The following C4orf50 variants were observed in gnomAD, a reference collection of about 807,000 sequenced individuals.
C4orf50 encodes the protein uncharacterized protein C4orf50.
Under a neutral mutation model 77.2 loss-of-function variants are expected in C4orf50, and 80 were observed. That is an observed-to-expected ratio of 1.04 (90% CI 0.87 to 1.25). C4orf50 has a LOEUF of 1.25. C4orf50 is among the 50% of genes most tolerant of loss of function. The pLI is 0.00. For missense variants in C4orf50, 1,257 were observed against 1,152.9 expected (o/e 1.09, Z -1.31); for synonymous variants, 532 against 465.3 (o/e 1.14, Z -1.84).
rs999340163 is a variant in C4orf50 at position 6,008,659 on chromosome 4, A to G, written c.427-127T>C. On this transcript the variant is annotated intron_variant, in intron 24 of 33. Coordinates refer to ENST00000531445, the Ensembl canonical transcript of C4orf50. This position sits in a 1 kb window ranked among gnomAD's most constrained non-coding sequence, Gnocchi z 6.0. ...TGCGTTTTTGCATTTTGTGCATTGT[A>G]ATAGTGCATCAAAGTATTATCTCTT... 5.1e-6 allele frequency: 2 copies of G among 392,336 alleles called. No individual in the cohort carries two copies. Among genetic ancestry groups the G allele is most frequent in the Non-Finnish European group, 9.0e-6 (2 of 222,472 alleles). The allele number at this position is 392,336 out of a possible 1,614,324, so 24.3% of individuals were successfully genotyped here.
chr4:5,993,984 T>A lies in C4orf50; in HGVS notation c.1093+363A>T, dbSNP rs1721437298. The stretch of plus-strand genomic sequence containing the variant: ...CACACTGGAGGTGTCACCTGGGAAG[T>A]GGGGGGACAGGACGGCTCCTGGCCA... On this transcript the variant is annotated intron_variant, in intron 26 of 33. Coordinates refer to ENST00000531445, the Ensembl canonical transcript of C4orf50. 2.0e-5 allele frequency among the ~76,000 whole-genome samples: 3 copies of A among 151,728 alleles called. No homozygotes were observed. The South Asian group carries it at 6.2e-4, about 32-fold the overall frequency.
exon 28 of C4orf50, chr4:5,989,604 G>A: frequency 6.5e-7 from 1 of 1,536,122 alleles, no homozygotes; most frequent in South Asian, 1.2e-5. Context: ...ACAGCTGCTG[G>A]AAACAAGCCT....
At chr4:5,951,542 A>T (rs1718720273) in intron 7 of C4orf50, among the ~76,000 whole-genome samples, 1 of 152,214 alleles carries the variant, frequency 6.6e-6, no homozygotes, top group Non-Finnish European at 1.5e-5. Flanking sequence ...AAGAAATACA[A>T]ATGTGAAGCT....
chr4:5,915,339 G>A (rs1195132956), intron 7 of C4orf50, among the ~76,000 whole-genome samples: 3 of 152,280 alleles, frequency 2.0e-5, no homozygotes, highest in African/African-American at 4.8e-5. Context: ...TCTTGATACC[G>A]TTATGTGCAC....
intron 23 of C4orf50, among the ~76,000 whole-genome samples, chr4:6,016,009 C>G (rs1194786128): frequency 6.6e-6 from 1 of 152,188 alleles, no homozygotes; most frequent in African/African-American, 2.4e-5. Flanking sequence ...GGCCTTGCAC[C>G]CTGAGCTGCC....
At chr4:5,994,417 G>T in exon 26 of C4orf50, 1 of 399,152 alleles carries the variant, frequency 2.5e-6, no homozygotes, top group Non-Finnish European at 4.4e-6. Context: ...TTCTGCAGGG[G>T]TCCAGGGCCT....
rs1210305113 is a variant in C4orf50, at chr4:6,007,300, T to C, written c.963+696A>G. Reference sequence around the variant, plus strand: ...GAAATCCTAATCCTCAATGTGAGGGTGTCAGGTGGTGGAGTCTTTGGGAGG... The same window carrying C: ...GAAATCCTAATCCTCAATGTGAGGGCGTCAGGTGGTGGAGTCTTTGGGAGG... On this transcript the variant is annotated intron_variant, in intron 25 of 33. Coordinates refer to ENST00000531445, the Ensembl canonical transcript of C4orf50. The surrounding 1 kb of genome is among the most constrained non-coding windows in gnomAD (Gnocchi z 4.1). Among the ~76,000 whole-genome samples, 1 of 151,930 alleles carries C rather than the reference T, an allele frequency of 6.6e-6. No homozygotes were observed. The highest frequency in any genetic ancestry group is 1.9e-4 in the East Asian group (1 of 5,176).
At chr4:5,940,881 G>C (rs112585159) in intron 7 of C4orf50, among the ~76,000 whole-genome samples, 1,701 of 152,300 alleles carry the variant, frequency 0.011, 35 homozygotes, top group African/African-American at 0.038. Flanking sequence ...GATACTTGGA[G>C]CAGAAATGAG....
At position 5,916,043 on chromosome 4, in the gene C4orf50, AG is replaced by A. The variant is rs1717015685; in HGVS notation, c.*2475-17856del. On this transcript the variant is annotated intron_variant, in intron 7 of 7. Coordinates refer to the C4orf50 transcript ENST00000324058. The surrounding 1 kb of genome is among the most constrained non-coding windows in gnomAD (Gnocchi z 4.4). ...TGGGCAAAAATGGCACAGGAAGGCAAGGCTAGTCCTGTAACAAGGGATGGGT... is the reference window on the plus strand; with the variant it reads ...TGGGCAAAAATGGCACAGGAAGGCAAGCTAGTCCTGTAACAAGGGATGGGT... 6.6e-6 allele frequency among the ~76,000 whole-genome samples: 1 copy of A among 152,206 alleles called. No homozygotes were observed. Among genetic ancestry groups the A allele is most frequent in the African/African-American group, 2.4e-5 (1 of 41,456 alleles).
chr4:5,977,326 C>T lies in C4orf50; in HGVS notation c.3865-1371G>A, dbSNP rs1014440002. ...TCAGTTAAAAAAATCAAATAAAAAG[C>T]CGCAAGCCTCTTCCTCACCCCCAAA... On this transcript the variant is annotated intron_variant, in intron 29 of 33. Coordinates refer to ENST00000531445, the Ensembl canonical transcript of C4orf50. Among the ~76,000 whole-genome samples the T allele has an allele frequency of 2.0e-5, 3 of 152,306 alleles. No individual in the cohort carries two copies. The South Asian group carries it at 6.2e-4, about 32-fold the overall frequency.
chr4:6,004,025 A>C (rs1722023365), intron 25 of C4orf50, among the ~76,000 whole-genome samples: 1 of 10,370 alleles, frequency 9.6e-5, no homozygotes, highest in African/African-American at 3.0e-4. Flanking sequence ...GATGGTGATA[A>C]TGTGATAGTG....
At chr4:5,962,108 C>T (rs78372604) in intron 33 of C4orf50, among the ~76,000 whole-genome samples, 1 of 152,324 alleles carries the variant, frequency 6.6e-6, no homozygotes, top group Non-Finnish European at 1.5e-5. Flanking sequence ...GAACCAGGAG[C>T]AGGTGCCGTG....
exon 28 of C4orf50, chr4:5,989,906 G>C: frequency 1.4e-6 from 2 of 1,430,738 alleles, no homozygotes; most frequent in Non-Finnish European, 1.8e-6. Flanking sequence ...TGCAGAAGCA[G>C]AGCATTTCCA....
intron 29 of C4orf50, among the ~76,000 whole-genome samples, chr4:5,979,293 CCA>C (rs1438094048): frequency 3.3e-5 from 5 of 152,128 alleles, no homozygotes; most frequent in African/African-American, 1.2e-4. Flanking sequence ...ACTTGAATTT[CCA>C]CAAACAGAAA....
intron 26 of C4orf50, among the ~76,000 whole-genome samples, chr4:5,993,989 G>C (rs1196149225): frequency 6.6e-6 from 1 of 152,172 alleles, no homozygotes; most frequent in Admixed American, 6.5e-5. Context: ...GGAAGTGGGG[G>C]GACAGGACGG....
intron 25 of C4orf50, among the ~76,000 whole-genome samples, chr4:6,003,923 T>C (rs1722003793): frequency 1.9e-5 from 1 of 51,720 alleles, no homozygotes; most frequent in Admixed American, 2.5e-4. Context: ...ATGATGGTGG[T>C]GATGGTGATG....
At chr4:5,965,408 C>T (rs936538594) in intron 32 of C4orf50, among the ~76,000 whole-genome samples, 1 of 152,252 alleles carries the variant, frequency 6.6e-6, no homozygotes, top group Non-Finnish European at 1.5e-5. Context: ...TACCTGGCTG[C>T]AAGCTCATTC....
rs1313585616 is a variant in C4orf50, at chr4:6,011,112, CT to C, written c.426+717del. 6.6e-6 allele frequency among the ~76,000 whole-genome samples: 1 copy of C among 152,160 alleles called. No homozygotes were observed. Among genetic ancestry groups the C allele is most frequent in the Non-Finnish European group, 1.5e-5 (1 of 68,034 alleles). On this transcript the variant is annotated intron_variant, in intron 24 of 33. Transcript: ENST00000531445. This position sits in a 1 kb window ranked among gnomAD's most constrained non-coding sequence, Gnocchi z 4.2. ...CCAGAGAGCTCTCGAACTTCTCCCC[CT>C]GCCTCCATCATCTCTCTCTCCCATG...
At chr4:5,934,476 G>A (rs946074151) in intron 7 of C4orf50, among the ~76,000 whole-genome samples, 2 of 152,096 alleles carry the variant, frequency 1.3e-5, no homozygotes, top group African/African-American at 4.8e-5. Context: ...CGCTGGTCTG[G>A]CTCAAGAGTC....
Sources: allele counts gnomAD v4.1 joint callset (sites outside exome capture counted in the v4.1 genomes callset), GRCh38; gene constraint gnomAD v4.1.1; non-coding constraint Gnocchi (gnomAD v3.1); transcripts MANE v1.5; gene names NCBI Gene and HGNC (gene_info 2026-07-23, HGNC 2026-07-21).